The following COQ9 variants were observed in gnomAD, a reference collection of about 807,000 sequenced individuals.
The protein encoded by COQ9 is coenzyme Q9.
Under a neutral mutation model 42.4 loss-of-function variants are expected in COQ9, and 35 were observed. The ratio of observed to expected loss-of-function variants is 0.83; its 90% CI spans 0.63 to 1.10. The LOEUF (loss-of-function observed/expected upper bound fraction) is 1.10. COQ9 is among the 50% of genes least tolerant of loss of function. COQ9 has a pLI of 0.00. For missense variants in COQ9, 406 were observed against 414.6 expected, an observed-to-expected ratio of 0.98 and a Z score of 0.18; for synonymous variants, 155 against 155.1, an observed-to-expected ratio of 1.00 and a Z score of 0.00.
intron 3 of COQ9, among the ~76,000 whole-genome samples, chr16:57,454,560 G>C (rs1346347994): frequency 1.3e-5 from 2 of 152,126 alleles, no homozygotes; most frequent in African/African-American, 4.8e-5. Flanking sequence ...TGGGAGGCTG[G>C]GGTGGGAGGA....
chr16:57,457,338 CAGA>C, intron 5 of COQ9: 1 of 406,708 alleles, frequency 2.5e-6, no homozygotes, highest in South Asian at 2.2e-5. Flanking sequence ...TTAGAAGAGT[CAGA>C]AGATTTTATT....
intron 5 of COQ9, 198 bp from the exon 6 acceptor site, chr16:57,458,047 CG>C: frequency 6.5e-6 from 4 of 611,818 alleles, no homozygotes; most frequent in South Asian, 1.7e-5. Context: ...TTGCATAAGA[CG>C]GGGCTATGCC....
chr16:57,449,911 A>G (rs1379282871), intron 1 of COQ9, among the ~76,000 whole-genome samples: 1 of 152,200 alleles, frequency 6.6e-6, no homozygotes, highest in Non-Finnish European at 1.5e-5. Flanking sequence ...AGATTTATGC[A>G]TTTCATTGTG....
At chr16:57,460,292 A>G (rs1294168230) in intron 8 of COQ9, among the ~76,000 whole-genome samples, 188 bp downstream of exon 8, 1 of 152,090 alleles carries the variant, frequency 6.6e-6, no homozygotes, top group African/African-American at 2.4e-5. Context: ...TCCTGTCATC[A>G]GGAGATATCA....
At position 57,452,864 on chromosome 16, in the gene COQ9, C is replaced by A. The variant is rs1397569406; in HGVS notation, c.306C>A (p.Arg102=). ...AAAGTGAGGAGCAGTTGCAGCACCGCATCCTGACGGCAGCCCTTGAGTTTG... is the reference window on the plus strand; with the variant it reads ...AAAGTGAGGAGCAGTTGCAGCACCGAATCCTGACGGCAGCCCTTGAGTTTG... The part of the protein sequence containing the change: ...DYESEEQLQH[R]ILTAALEFVP... The change falls in exon 3 of 9, where the codon CGC becomes CGA. Residue 102 remains arginine (R), a synonymous_variant. Transcript: ENST00000262507. 6.2e-7 allele frequency: 1 copy of A among 1,613,712 alleles called. No homozygotes were observed. Among genetic ancestry groups the A allele is most frequent in the African/African-American group, 1.3e-5 (1 of 74,898 alleles).
At chr16:57,454,156 A>G (rs1183386156) in intron 3 of COQ9, 1 of 152,200 alleles carries the variant, frequency 6.6e-6, no homozygotes, top group African/African-American at 2.4e-5. Context: ...TTTTGTAGAT[A>G]TAAAAGTAAT....
chr16:57,460,465 C>G (rs1030117141), intron 8 of COQ9, 124 bp from the exon 9 acceptor site: 1 of 970,618 alleles, frequency 1.0e-6, no homozygotes, highest in African/African-American at 1.7e-5. Flanking sequence ...GCCAACATAG[C>G]AAAACCCTGT....
chr16:57,457,077 C>A, intron 5 of COQ9, 62 bp downstream of exon 5: 1 of 1,276,016 alleles, frequency 7.8e-7, no homozygotes, highest in Non-Finnish European at 1.1e-6. Context: ...ATTCTCAGCA[C>A]CTTTCACTCA....
intron 8 of COQ9, 46 bp downstream of exon 8, chr16:57,460,150 G>C: frequency 1.3e-6 from 2 of 1,587,908 alleles, no homozygotes; most frequent in Non-Finnish European, 1.7e-6. Context: ...CTCCCATTCC[G>C]GCTCTGTGAT....
At chr16:57,455,372 T>TAC (rs1567579535) in intron 3 of COQ9, among the ~76,000 whole-genome samples, 2 of 144,580 alleles carry the variant, frequency 1.4e-5, no homozygotes, top group South Asian at 2.2e-4. Flanking sequence ...TATATATATA[T>TAC]ACAGTATATA....
chr16:57,458,396 T>C, intron 6 of COQ9, 46 bp downstream of exon 6: 5 of 1,365,186 alleles, frequency 3.7e-6, no homozygotes, highest in Non-Finnish European at 3.1e-6. Flanking sequence ...AAGGCTTGTG[T>C]TAAGCATTTC....
chr16:57,449,283 C>T (rs79526243), intron 1 of COQ9, among the ~76,000 whole-genome samples: 2,635 of 152,248 alleles, frequency 0.017, 87 homozygotes, highest in African/African-American at 0.06. Flanking sequence ...TGAGTTTTCT[C>T]AGGCAGGCAC....
In COQ9 at chr16:57,451,163, A is replaced by G. The variant is rs780261870; in HGVS notation, c.197A>G (p.Gln66Arg). Residue 66 changes from glutamine (Q) to arginine (R), a missense_variant, in exon 2 of 9, where the codon CAG becomes CGG. Gln to Arg is a conservative substitution (Grantham distance 43, BLOSUM62 1). Coordinates refer to ENST00000262507, the MANE Select transcript of COQ9 (RefSeq NM_020312.4). ...NSFSQQHSET[Q>R]GAEKPDPESS... ...TTTTCTCAGCAGCATTCTGAGACAC[A>G]GGGGGCAGAAAAACCTGATCCAGAG... The G allele has an allele frequency of 1.1e-5, 18 of 1,614,026 alleles. No individual in the cohort carries two copies. The highest frequency in any genetic ancestry group is 4.5e-5 in the East Asian group (2 of 44,906).
intron 1 of COQ9, 29 bp downstream of exon 1, chr16:57,447,607 C>T (rs776936142): frequency 2.3e-5 from 28 of 1,243,582 alleles, no homozygotes. Context: ...CGGGGAGAGG[C>T]GGGGAGCGCG....
intron 1 of COQ9, among the ~76,000 whole-genome samples, chr16:57,449,698 T>C (rs2030238295): frequency 6.6e-6 from 1 of 152,154 alleles, no homozygotes; most frequent in Non-Finnish European, 1.5e-5. Context: ...CTGAAACATG[T>C]ACATATAGAT....
intron 6 of COQ9, among the ~76,000 whole-genome samples, chr16:57,459,104 A>C (rs1185724934): frequency 6.6e-6 from 1 of 152,196 alleles, no homozygotes; most frequent in Admixed American, 6.5e-5. Context: ...TTGCTGAGGG[A>C]CTTGAACTCT....
In COQ9 at chr16:57,458,213, G is replaced by A. The variant is rs374232473; in HGVS notation, c.607-33G>A. 4.8e-5 allele frequency: 72 copies of A among 1,495,556 alleles called. No homozygotes were observed. In the African/African-American group the frequency reaches 8.7e-4, roughly 18 times the overall value. 92.6% of individuals were successfully genotyped at this position (1,495,556 alleles called of 1,614,324 possible). Reference sequence around the variant, plus strand: ...GTCAACTATGCACCATTACCTGTGAGCAGAGCTTACTCCTCTGCCATTCTC... The same window carrying A: ...GTCAACTATGCACCATTACCTGTGAACAGAGCTTACTCCTCTGCCATTCTC... On this transcript the variant is annotated intron_variant, in intron 5 of 8. Coordinates refer to ENST00000262507, the MANE Select transcript of COQ9 (RefSeq NM_020312.4).
chr16:57,449,536 A>C (rs1175051991), intron 1 of COQ9, among the ~76,000 whole-genome samples: 1 of 152,122 alleles, frequency 6.6e-6, no homozygotes, highest in Non-Finnish European at 1.5e-5. Flanking sequence ...TAATCCCAGC[A>C]CTTTGGGAAG....
intron 3 of COQ9, among the ~76,000 whole-genome samples, chr16:57,454,813 A>G (rs1316906821): frequency 1.3e-5 from 2 of 152,202 alleles, no homozygotes; most frequent in Non-Finnish European, 2.9e-5. Context: ...GAAGGATGGT[A>G]CGTTAGAAGA....
Sources: allele counts gnomAD v4.1 joint callset (sites outside exome capture counted in the v4.1 genomes callset), GRCh38; gene constraint gnomAD v4.1.1; transcripts MANE v1.5; gene names NCBI Gene and HGNC (gene_info 2026-07-23, HGNC 2026-07-21).